The following HTR2C variants were observed in gnomAD, a reference collection of about 807,000 sequenced individuals.
HTR2C encodes 5-hydroxytryptamine receptor 2C.
In HTR2C, 5 loss-of-function variants were observed where a neutral mutation model predicts 21.0. The ratio of observed to expected loss-of-function variants is 0.24; its 90% confidence interval spans 0.12 to 0.50. The LOEUF (loss-of-function observed/expected upper bound fraction) is 0.50, where lower values mean the gene tolerates loss of function less well. Among genes scored for constraint, HTR2C ranks in the 20% least tolerant of loss-of-function variants. The pLI, the probability that HTR2C is intolerant of heterozygous loss-of-function variation, is 0.98. For synonymous variants in HTR2C, 150 were observed against 145.3 expected (o/e 1.03, Z -0.23); for missense variants, 271 against 371.2 (o/e 0.73, Z 2.22).
At chrX:114,819,138 C>T (rs1436572286) in intron 4 of HTR2C, among the ~76,000 whole-genome samples, 11 of 111,719 alleles carry the variant, frequency 9.8e-5, no homozygotes, top group African/African-American at 3.6e-4. Flanking sequence ...TTATTAAATA[C>T]ATAAATAAAT....
At chrX:114,833,213 A>C (rs1415305902) in intron 4 of HTR2C, among the ~76,000 whole-genome samples, 2 of 102,455 alleles carry the variant, frequency 2.0e-5, no homozygotes, top group Admixed American at 2.2e-4. Context: ...TGCTGGCCTC[A>C]TAAAATGACT....
chrX:114,691,460 ACTTG>A (rs781968554), intron 2 of HTR2C, among the ~76,000 whole-genome samples: 6 of 111,974 alleles, frequency 5.4e-5, no homozygotes, highest in African/African-American at 1.9e-4. Flanking sequence ...ATCATATAAC[ACTTG>A]CTTTTTTGTT....
intron 5 of HTR2C, among the ~76,000 whole-genome samples, chrX:114,862,279 A>G (rs1368269074): frequency 9.0e-6 from 1 of 110,764 alleles, no homozygotes; most frequent in Non-Finnish European, 1.9e-5. Context: ...CTTGTCAAAA[A>G]CAAATTGACA....
chrX:114,799,455 G>T (rs1476690638), intron 4 of HTR2C, among the ~76,000 whole-genome samples: 2 of 108,337 alleles, frequency 1.8e-5, no homozygotes, highest in African/African-American at 6.7e-5. Flanking sequence ...AAGGTCACTC[G>T]AAATCCCTCC....
At chrX:114,822,028 G>A (rs1282227586) in intron 4 of HTR2C, among the ~76,000 whole-genome samples, 3 of 110,120 alleles carry the variant, frequency 2.7e-5, no homozygotes, top group African/African-American at 9.9e-5. Flanking sequence ...TGTATTTTTA[G>A]TAGAGATGGG....
At chrX:114,748,530 A>G (rs2069727160) in intron 4 of HTR2C, among the ~76,000 whole-genome samples, 1 of 112,178 alleles carries the variant, frequency 8.9e-6, no homozygotes, top group Non-Finnish European at 1.9e-5. Context: ...TACAGTAATC[A>G]AGAAGAATGG....
chrX:114,903,593 C>G (rs2071352389), intron 5 of HTR2C, among the ~76,000 whole-genome samples: 1 of 112,165 alleles, frequency 8.9e-6, no homozygotes. Flanking sequence ...CTTGCTGTCC[C>G]TTGACAAGGC....
At chrX:114,741,322 C>T (rs187940794) in intron 4 of HTR2C, among the ~76,000 whole-genome samples, 6 of 105,175 alleles carry the variant, frequency 5.7e-5, no homozygotes, top group Non-Finnish European at 9.7e-5. Context: ...AGATAGAGAC[C>T]AGCCAGGCCA....
chrX:114,719,322 A>T (rs1933109483), intron 2 of HTR2C, among the ~76,000 whole-genome samples: 1 of 110,587 alleles, frequency 9.0e-6, no homozygotes, highest in African/African-American at 3.3e-5. Flanking sequence ...TTGTTTCGCT[A>T]TGTTTTTCAG....
intron 5 of HTR2C, among the ~76,000 whole-genome samples, chrX:114,867,958 C>A (rs1344579450): frequency 9.0e-6 from 1 of 111,106 alleles, no homozygotes; most frequent in Admixed American, 9.6e-5. Context: ...TAGTTTAGTT[C>A]TTTTGCTTAG....
At chrX:114,854,190 A>G (rs1188556535) in intron 5 of HTR2C, among the ~76,000 whole-genome samples, 2 of 111,559 alleles carry the variant, frequency 1.8e-5, no homozygotes, top group Non-Finnish European at 3.8e-5. Flanking sequence ...ATACTCAAAC[A>G]TTATTAAGGA....
At chrX:114,701,285 C>T (rs782751091) in intron 2 of HTR2C, among the ~76,000 whole-genome samples, 9 of 112,045 alleles carry the variant, frequency 8.0e-5, no homozygotes, top group East Asian at 2.8e-4. Flanking sequence ...ACCTGACCCC[C>T]GAACAGCCTA....
chrX:114,685,388 A>T (rs782066811), intron 2 of HTR2C, among the ~76,000 whole-genome samples: 17 of 112,159 alleles, frequency 1.5e-4, no homozygotes, highest in Non-Finnish European at 2.4e-4. Flanking sequence ...GGAGACTGTC[A>T]GTAAAACTAT....
At chrX:114,747,523 C>A (rs2069717800) in intron 4 of HTR2C, among the ~76,000 whole-genome samples, 1 of 112,349 alleles carries the variant, frequency 8.9e-6, no homozygotes, top group Non-Finnish European at 1.9e-5. Context: ...AATACAGTAG[C>A]CTGCTTCTGA....
At chrX:114,846,270 T>C (rs1172647649) in intron 4 of HTR2C, among the ~76,000 whole-genome samples, 1 of 111,780 alleles carries the variant, frequency 8.9e-6, no homozygotes, top group Non-Finnish European at 1.9e-5. Context: ...CCAATTCTTC[T>C]CAAACTCTTC....
chrX:114,838,277 G>T (rs1040434324), intron 4 of HTR2C, among the ~76,000 whole-genome samples: 30 of 111,476 alleles, frequency 2.7e-4, no homozygotes, highest in African/African-American at 9.4e-4. Context: ...AATGTGTTGA[G>T]GAATTTTTAA....
At chrX:114,726,189 G>A (rs1379188735) in intron 2 of HTR2C, among the ~76,000 whole-genome samples, 3 of 112,508 alleles carry the variant, frequency 2.7e-5, no homozygotes, top group East Asian at 2.8e-4. Flanking sequence ...TAGGACCCTC[G>A]GAACCAGGTG....
intron 2 of HTR2C, among the ~76,000 whole-genome samples, chrX:114,704,980 C>G (rs1254938749): frequency 4.7e-5 from 5 of 107,278 alleles, no homozygotes; most frequent in African/African-American, 1.7e-4. Flanking sequence ...GAATAAAATA[C>G]CTAGGAATCC....
intron 4 of HTR2C, among the ~76,000 whole-genome samples, chrX:114,735,475 GT>G (rs1419864711): frequency 9.0e-6 from 1 of 110,895 alleles, no homozygotes; most frequent in Admixed American, 9.6e-5. Context: ...AAAAGAAATG[GT>G]ATTTTAAGAG....
Sources: gnomAD v4.1 joint callset for allele counts (sites outside exome capture counted in the v4.1 genomes callset) on GRCh38, gnomAD v4.1.1 for gene constraint, MANE v1.5 for transcripts, NCBI Gene and HGNC (gene_info 2026-07-23, HGNC 2026-07-21) for gene names.